The following FZR1 variants were observed in gnomAD, a reference collection of about 807,000 sequenced individuals.
FZR1 encodes fizzy-related protein homolog.
In FZR1, 11 loss-of-function variants were observed where a neutral mutation model predicts 63.6. That is an observed-to-expected ratio of 0.17 (90% CI 0.11 to 0.29). The LOEUF (loss-of-function observed/expected upper bound fraction) is 0.29. FZR1 is among the 10% of genes least tolerant of loss of function. The pLI, the probability that FZR1 is intolerant of heterozygous loss-of-function variation, is 1.00. For synonymous variants in FZR1, 328 were observed against 297.9 expected (o/e 1.10, Z -1.04); for missense variants, 440 against 687.5 (o/e 0.64, Z 4.03).
At chr19:3,529,145 G>A (rs558058023) in intron 7 of FZR1, among the ~76,000 whole-genome samples, 1,844 of 47,702 alleles carry the variant, frequency 0.039, 67 homozygotes, top group East Asian at 0.2. Context: ...AGAGCGGATG[G>A]GAGAGCGGAT....
intron 7 of FZR1, among the ~76,000 whole-genome samples, chr19:3,528,652 T>C (rs975612394): frequency 2.1e-5 from 3 of 141,120 alleles, no homozygotes; most frequent in Non-Finnish European, 3.1e-5. Context: ...GATGGGAGAG[T>C]GGATGGGAGA....
chr19:3,510,201 A>G lies in FZR1; in HGVS notation c.-35+3727A>G, dbSNP rs141008615. Among the ~76,000 whole-genome samples, 5 of 152,248 alleles carry G rather than the reference A, an allele frequency of 3.3e-5. No homozygotes were observed. In the East Asian group the frequency reaches 9.6e-4, roughly 29 times the overall value. ...ACCTAGGCTGGAGTGCAGTGGCGCA[A>G]TCACAACTCACTGCAGCCTCGACCT... On this transcript the variant is annotated intron_variant, in intron 1 of 13. Coordinates refer to ENST00000441788, the MANE Select transcript of FZR1 (RefSeq NM_016263.4).
In FZR1 at chr19:3,525,840, G is replaced by A; in HGVS notation, c.70-28G>A. On this transcript the variant is annotated intron_variant, in intron 2 of 13. Transcript: ENST00000441788. The surrounding 1 kb of genome is among the most constrained non-coding windows in gnomAD (Gnocchi z 4.2). ...ACTCTCGGGGGGCTCTCGGTGCTGA[G>A]AGCAAGCCCTCTGCTGATGCCCTTC... The A allele has an allele frequency of 6.2e-7, 1 of 1,605,950 alleles. No individual in the cohort carries two copies. Among genetic ancestry groups the A allele is most frequent in the Non-Finnish European group, 8.5e-7 (1 of 1,178,906 alleles).
intron 1 of FZR1, among the ~76,000 whole-genome samples, chr19:3,521,560 G>A (rs984900193): frequency 6.6e-5 from 10 of 151,816 alleles, no homozygotes; most frequent in South Asian, 2.1e-4. Context: ...GGAGTGCAGC[G>A]GCACGATCTC....
At chr19:3,530,112 G>A (rs1253347471) in intron 7 of FZR1, among the ~76,000 whole-genome samples, 1 of 133,536 alleles carries the variant, frequency 7.5e-6, no homozygotes, top group Non-Finnish European at 1.6e-5. Context: ...GGTTGAGGGA[G>A]CGGATGGGTG....
At chr19:3,513,465 G>A (rs1234507361) in intron 1 of FZR1, among the ~76,000 whole-genome samples, 2 of 152,224 alleles carry the variant, frequency 1.3e-5, no homozygotes, top group African/African-American at 4.8e-5. Flanking sequence ...CTGGATTCAC[G>A]TCCCAGCTCT....
chr19:3,508,420 C>A (rs573698464), intron 1 of FZR1, among the ~76,000 whole-genome samples: 1 of 152,282 alleles, frequency 6.6e-6, no homozygotes, highest in East Asian at 1.9e-4. Flanking sequence ...GTCTCCAACT[C>A]CTGACCTCAG....
Position 3,515,179 on chromosome 19 carries a change from G to A in FZR1, c.-34-7777G>A, listed in dbSNP as rs930915073. On this transcript the variant is annotated intron_variant, in intron 1 of 13. Transcript: ENST00000441788. The surrounding 1 kb of genome is among the most constrained non-coding windows in gnomAD (Gnocchi z 4.6). ...ACCTCTGCAGGGCCTGGCGGAGCAC[G>A]AGTCACTCACTGATTCACTGCTGAT... Among the ~76,000 whole-genome samples, 1 of 152,228 alleles carries A rather than the reference G, an allele frequency of 6.6e-6. No homozygotes were observed. The highest frequency in any genetic ancestry group is 2.4e-5 in the African/African-American group (1 of 41,460).
At chr19:3,511,148 C>T (rs746585828) in intron 1 of FZR1, among the ~76,000 whole-genome samples, 36 of 152,248 alleles carry the variant, frequency 2.4e-4, no homozygotes, top group South Asian at 1.2e-3. Flanking sequence ...GCCTTTTGTG[C>T]TGCCGCAGAC....
intron 1 of FZR1, among the ~76,000 whole-genome samples, chr19:3,506,868 G>A (rs1373378150): frequency 6.6e-6 from 1 of 152,086 alleles, no homozygotes; most frequent in African/African-American, 2.4e-5. Context: ...TCCTAACCCG[G>A]GTGATTTCTC....
intron 12 of FZR1, chr19:3,534,161 A>G: frequency 2.7e-6 from 1 of 368,564 alleles, no homozygotes; most frequent in Non-Finnish European, 4.9e-6. Flanking sequence ...TCAAGGCTGC[A>G]GTAAGCCAGG....
At position 3,526,098 on chromosome 19, in the gene FZR1, C is replaced by A. The variant is rs1160488216; in HGVS notation, c.196-22C>A. 1.9e-6 allele frequency: 3 copies of A among 1,612,496 alleles called. No homozygotes were observed. Among genetic ancestry groups the A allele is most frequent in the Non-Finnish European group, 2.5e-6 (3 of 1,179,766 alleles). On this transcript the variant is annotated intron_variant, in intron 3 of 13. Coordinates refer to ENST00000441788, the MANE Select transcript of FZR1 (RefSeq NM_016263.4). This position sits in a 1 kb window ranked among gnomAD's most constrained non-coding sequence, Gnocchi z 5.4. Reference sequence around the variant, plus strand: ...AACAAGCGGGCTCCTCGACCCCTCCCTCTCTGCTCTCCTGCCTGCAGGAGA... The same window carrying A: ...AACAAGCGGGCTCCTCGACCCCTCCATCTCTGCTCTCCTGCCTGCAGGAGA...
At chr19:3,532,853 T>C (rs1405176915) in intron 11 of FZR1, among the ~76,000 whole-genome samples, 2 of 151,932 alleles carry the variant, frequency 1.3e-5, no homozygotes, top group Admixed American at 6.5e-5. Flanking sequence ...GGGGCAAGAC[T>C]TGGGGCCTCT....
chr19:3,520,679 G>A (rs1299698885), intron 1 of FZR1, among the ~76,000 whole-genome samples: 1 of 152,236 alleles, frequency 6.6e-6, no homozygotes, highest in African/African-American at 2.4e-5. Context: ...CGCTGCCTGC[G>A]GGCTCTTGCA....
chr19:3,519,866 C>T (rs2083085557), intron 1 of FZR1, among the ~76,000 whole-genome samples: 1 of 138,876 alleles, frequency 7.2e-6, no homozygotes, highest in Non-Finnish European at 1.6e-5. Context: ...ATCTGTGAAT[C>T]GGTCCCGGGG....
In FZR1 at chr19:3,515,352, C is replaced by T. The variant is rs2083051343; in HGVS notation, c.-34-7604C>T. 6.6e-6 allele frequency among the ~76,000 whole-genome samples: 1 copy of T among 152,204 alleles called. No homozygotes were observed. Among genetic ancestry groups the T allele is most frequent in the Non-Finnish European group, 1.5e-5 (1 of 68,034 alleles). On this transcript the variant is annotated intron_variant, in intron 1 of 13. Transcript: ENST00000441788. The surrounding 1 kb of genome is among the most constrained non-coding windows in gnomAD (Gnocchi z 4.6). ...CTACTCTAACCTTTTACGATGAAAC[C>T]TTCCGAGCATCCAGCAAAGGAGGGA...
rs2083048662 is a variant in FZR1, at chr19:3,514,995, A to C, written c.-34-7961A>C. On this transcript the variant is annotated intron_variant, in intron 1 of 13. Transcript: ENST00000441788. This position sits in a 1 kb window ranked among gnomAD's most constrained non-coding sequence, Gnocchi z 4.2. ...CTGGCCCAGGGGGTTTGCAGGACCC[A>C]CAGGGCAGTGCCCTGCCAAGGGGAT... is the stretch of plus-strand genomic sequence containing the variant. 6.6e-6 allele frequency among the ~76,000 whole-genome samples: 1 copy of C among 152,162 alleles called. No homozygotes were observed. The highest frequency in any genetic ancestry group is 2.1e-4 in the South Asian group (1 of 4,828).
chr19:3,511,907 G>T (rs2083027021), intron 1 of FZR1, among the ~76,000 whole-genome samples: 1 of 152,168 alleles, frequency 6.6e-6, no homozygotes, highest in South Asian at 2.1e-4. Flanking sequence ...TTGTTCTTCT[G>T]CAGGTGGGGG....
At chr19:3,510,648 C>T (rs999365537) in intron 1 of FZR1, among the ~76,000 whole-genome samples, 2 of 152,176 alleles carry the variant, frequency 1.3e-5, no homozygotes, top group African/African-American at 2.4e-5. Flanking sequence ...CTGCTTTCAC[C>T]GGAGGGCTGA....
Sources: allele counts gnomAD v4.1 joint callset (sites outside exome capture counted in the v4.1 genomes callset), GRCh38; gene constraint gnomAD v4.1.1; non-coding constraint Gnocchi (gnomAD v3.1); transcripts MANE v1.5; gene names NCBI Gene and HGNC (gene_info 2026-07-23, HGNC 2026-07-21).